IPO11: variants seen among roughly 807,000 people sequenced by gnomAD.
IPO11 encodes the protein importin-11.
In IPO11, 66 loss-of-function variants were observed where a neutral mutation model predicts 143.2. That is an observed-to-expected ratio of 0.46 (90% confidence interval 0.38 to 0.57). The LOEUF (loss-of-function observed/expected upper bound fraction) is 0.57. IPO11 is among the 20% of genes least tolerant of loss of function. IPO11 has a pLI of 0.00. For missense variants in IPO11, 1,026 were observed against 1,141.0 expected, an observed-to-expected ratio of 0.90 and a Z score of 1.45; for synonymous variants, 385 against 377.8, an observed-to-expected ratio of 1.02 and a Z score of -0.22.
At position 62,429,119 on chromosome 5, in the gene IPO11, A is replaced by G. The variant is rs191208800; in HGVS notation, c.-6-8155A>G. Among the ~76,000 whole-genome samples, 49 of 152,322 alleles carry G rather than the reference A, an allele frequency of 3.2e-4. 2 individuals carry two copies. Among genetic ancestry groups the G allele is most frequent in the Admixed American group, 3.1e-3 (47 of 15,302 alleles). ...CACAGAGTTGTGCAACCATCATTAC[A>G]GTCAGTTTTAGAACATTTTCATCGT... On this transcript the variant is annotated intron_variant, in intron 1 of 29. Transcript: ENST00000325324.
intron 26 of IPO11, among the ~76,000 whole-genome samples, chr5:62,553,447 C>T (rs1161825166): frequency 6.6e-6 from 1 of 151,876 alleles, no homozygotes; most frequent in Non-Finnish European, 1.5e-5. Flanking sequence ...CTGTAATAAA[C>T]ATGAGGGAGC....
chr5:62,458,933 A>T (rs1467124764), intron 5 of IPO11, among the ~76,000 whole-genome samples: 1 of 152,176 alleles, frequency 6.6e-6, no homozygotes, highest in Non-Finnish European at 1.5e-5. Context: ...TCCCCCAAGT[A>T]TCTAAAAGTT....
intron 27 of IPO11, among the ~76,000 whole-genome samples, chr5:62,584,066 C>T (rs934071935): frequency 1.3e-5 from 2 of 152,196 alleles, no homozygotes; most frequent in East Asian, 3.9e-4. Context: ...CCCCTCATAA[C>T]AAATGACCAA....
At chr5:62,441,191 G>T (rs528404480) in intron 2 of IPO11, among the ~76,000 whole-genome samples, 1 of 152,124 alleles carries the variant, frequency 6.6e-6, no homozygotes, top group African/African-American at 2.4e-5. Flanking sequence ...CACATCACAT[G>T]TAGCTTTATC....
intron 29 of IPO11, among the ~76,000 whole-genome samples, chr5:62,615,861 G>A (rs1355712549): frequency 6.6e-6 from 1 of 152,114 alleles, no homozygotes; most frequent in Non-Finnish European, 1.5e-5. Context: ...TGGTTACTGT[G>A]AATCTCAATT....
At chr5:62,543,677 C>G (rs1335238058) in intron 24 of IPO11, among the ~76,000 whole-genome samples, 2 of 152,106 alleles carry the variant, frequency 1.3e-5, no homozygotes, top group African/African-American at 2.4e-5. Context: ...TTTTGTGTCT[C>G]TATTTCCTTC....
intron 1 of IPO11, among the ~76,000 whole-genome samples, chr5:62,426,922 TTTC>T (rs1743762872): frequency 6.9e-6 from 1 of 145,944 alleles, no homozygotes; most frequent in African/African-American, 2.5e-5. Flanking sequence ...GCACTTCTTT[TTTC>T]TTTCTGTTTT....
intron 1 of IPO11, among the ~76,000 whole-genome samples, chr5:62,426,931 G>GTTTTTTTTTTTTTTTTTTTTT (rs763031944): frequency 1.1e-5 from 1 of 90,244 alleles, no homozygotes; most frequent in Non-Finnish European, 2.1e-5. Context: ...TTTTCTTTCT[G>GTTTTTTTTTTTTTTTTTTTTT]TTTTTTTTTT....
At chr5:62,567,548 C>T (rs1743991595) in intron 27 of IPO11, among the ~76,000 whole-genome samples, 3 of 98,494 alleles carry the variant, frequency 3.0e-5, no homozygotes, top group African/African-American at 8.1e-5. Flanking sequence ...GTCAATGACT[C>T]TTACATTTCC....
chr5:62,516,173 C>T (rs899177467), intron 20 of IPO11, among the ~76,000 whole-genome samples: 1 of 152,186 alleles, frequency 6.6e-6, no homozygotes, highest in Non-Finnish European at 1.5e-5. Context: ...TCAGAAGTAT[C>T]CCTAAATTCA....
chr5:62,491,509 A>T (rs1169798649), intron 15 of IPO11, among the ~76,000 whole-genome samples: 1 of 152,154 alleles, frequency 6.6e-6, no homozygotes, highest in Admixed American at 6.5e-5. Context: ...CCCTACGTGT[A>T]GCTATTGAGC....
intron 27 of IPO11, among the ~76,000 whole-genome samples, chr5:62,564,606 T>G (rs999820734): frequency 6.6e-6 from 1 of 152,148 alleles, no homozygotes; most frequent in Admixed American, 6.5e-5. Flanking sequence ...GAGGGTGTCC[T>G]GTGCATTGTA....
chr5:62,625,414 A>C (rs986980797), intron 29 of IPO11, among the ~76,000 whole-genome samples: 1 of 152,264 alleles, frequency 6.6e-6, no homozygotes, highest in African/African-American at 2.4e-5. Flanking sequence ...CCACGTGCTC[A>C]TTAAAATCCG....
intron 2 of IPO11, among the ~76,000 whole-genome samples, chr5:62,442,630 G>T (rs111351837): frequency 6.6e-6 from 1 of 152,204 alleles, no homozygotes; most frequent in South Asian, 2.1e-4. Flanking sequence ...AGGCCAAGGC[G>T]AATGGATCAC....
chr5:62,415,657 G>A (rs1346850637), intron 1 of IPO11, among the ~76,000 whole-genome samples: 4 of 151,532 alleles, frequency 2.6e-5, no homozygotes, highest in South Asian at 2.1e-4. Context: ...TAGTAGAGAC[G>A]GGGTTTCTCC....
intron 20 of IPO11, 84 bp from the exon 21 acceptor site, chr5:62,526,058 G>T: frequency 1.2e-6 from 1 of 800,228 alleles, no homozygotes; most frequent in Non-Finnish European, 2.1e-6. Flanking sequence ...TTGGTTTTAG[G>T]GCTTTTTGTA....
intron 29 of IPO11, among the ~76,000 whole-genome samples, chr5:62,606,206 C>T (rs747091834): frequency 2.0e-5 from 3 of 151,702 alleles, no homozygotes; most frequent in South Asian, 4.2e-4. Context: ...TTGGGCCAGG[C>T]GTGGTGGCTT....
chr5:62,449,382 A>G (rs149116632), intron 3 of IPO11, among the ~76,000 whole-genome samples: 1 of 152,294 alleles, frequency 6.6e-6, no homozygotes, highest in African/African-American at 2.4e-5. Flanking sequence ...AAGCTAGTTG[A>G]TTTCTGATAA....
intron 26 of IPO11, among the ~76,000 whole-genome samples, chr5:62,556,098 G>A (rs1416716610): frequency 1.3e-5 from 2 of 152,066 alleles, no homozygotes; most frequent in African/African-American, 4.8e-5. Flanking sequence ...ATTTTTCTTT[G>A]GGCTGCTGTT....
Sources: gnomAD v4.1 joint callset for allele counts (sites outside exome capture counted in the v4.1 genomes callset) on GRCh38, gnomAD v4.1.1 for gene constraint, MANE v1.5 for transcripts, NCBI Gene and HGNC (gene_info 2026-07-23, HGNC 2026-07-21) for gene names.